The following ZNF462 variants were observed in gnomAD, a reference collection of about 807,000 sequenced individuals.
ZNF462 encodes the protein zinc finger PBX1-interacting protein.
A neutral mutation model predicts 201.9 loss-of-function variants in ZNF462; 10 were observed. The observed-to-expected ratio is 0.05, with a 90% CI of 0.03 to 0.08. ZNF462 has a LOEUF of 0.08. Among genes scored for constraint, ZNF462 ranks in the 10% least tolerant of loss-of-function variants. The probability of loss-of-function intolerance (pLI) is 1.00; values close to 1 mark genes in which losing one functional copy is unlikely to be tolerated. For missense variants in ZNF462, 2,523 were observed against 3,168.3 expected (o/e 0.80, Z 4.89); for synonymous variants, 1,227 against 1,193.3 (o/e 1.03, Z -0.58).
At chr9:106,868,092 G>A (rs1400156969) in intron 1 of ZNF462, among the ~76,000 whole-genome samples, 1 of 145,318 alleles carries the variant, frequency 6.9e-6, no homozygotes, top group Non-Finnish European at 1.5e-5. Context: ...AAAAAAATCA[G>A]TGTGTGTAAA....
chr9:106,974,506 A>G lies in ZNF462; in HGVS notation c.6832+233A>G, dbSNP rs541348569. ...GCAAAGGTGATGGATTCTGCAGTGAACATTTCCGTAGGGCTTCCCAGCATG... is the reference window on the plus strand; with the variant it reads ...GCAAAGGTGATGGATTCTGCAGTGAGCATTTCCGTAGGGCTTCCCAGCATG... On this transcript the variant is annotated intron_variant, in intron 9 of 12. Coordinates refer to ENST00000277225, the MANE Select transcript of ZNF462 (RefSeq NM_021224.6). This position sits in a 1 kb window ranked among gnomAD's most constrained non-coding sequence, Gnocchi z 4.0. 1.0e-5 allele frequency: 6 copies of G among 596,716 alleles called. No individual in the cohort carries two copies. Among genetic ancestry groups the G allele is most frequent in the East Asian group, 6.1e-5 (2 of 32,730 alleles). 37.0% of individuals were successfully genotyped at this position (596,716 alleles called of 1,614,324 possible). A position where few individuals can be genotyped will look rare whatever the true frequency, so the allele number is the denominator to read the frequency against.
At chr9:106,903,299 A>T (rs1427124842) in intron 1 of ZNF462, among the ~76,000 whole-genome samples, 1 of 152,172 alleles carries the variant, frequency 6.6e-6, no homozygotes, top group African/African-American at 2.4e-5. Flanking sequence ...AGTGCTTAAA[A>T]TAATTTTAAT....
intron 9 of ZNF462, among the ~76,000 whole-genome samples, chr9:106,983,848 G>A (rs1827625660): frequency 6.6e-6 from 1 of 152,186 alleles, no homozygotes; most frequent in South Asian, 2.1e-4. Flanking sequence ...AATCATTAAT[G>A]TTGGTAAAAA....
In ZNF462 at chr9:106,930,002, G is replaced by A. The variant is rs1367679409; in HGVS notation, c.5847+243G>A. ...TCCCATGGCTCCCCAGGGGAGGTTT[G>A]GGGTGGTTTCTATGTATGTCTTTCT... is the stretch of plus-strand genomic sequence containing the variant. On this transcript the variant is annotated intron_variant, in intron 3 of 12. Coordinates refer to ENST00000277225, the MANE Select transcript of ZNF462 (RefSeq NM_021224.6). This position sits in a 1 kb window ranked among gnomAD's most constrained non-coding sequence, Gnocchi z 5.8. Among the ~76,000 whole-genome samples, 1 of 152,048 alleles carries A rather than the reference G, an allele frequency of 6.6e-6. No individual in the cohort carries two copies. The highest frequency in any genetic ancestry group is 1.5e-5 in the Non-Finnish European group (1 of 68,014).
At chr9:106,918,828 A>G (rs1408434100) in intron 1 of ZNF462, among the ~76,000 whole-genome samples, 1 of 152,110 alleles carries the variant, frequency 6.6e-6, no homozygotes, top group Non-Finnish European at 1.5e-5. Context: ...CTGTCCTTGG[A>G]TAATTGGTTT....
chr9:106,879,063 C>G (rs1027220195), intron 1 of ZNF462, among the ~76,000 whole-genome samples: 2 of 152,182 alleles, frequency 1.3e-5, no homozygotes, highest in African/African-American at 4.8e-5. Flanking sequence ...TGCATGGCTG[C>G]TGAGAGGGCC....
In ZNF462 at chr9:106,927,374, T is replaced by C; in HGVS notation, c.3462T>C (p.Ala1154=). The C allele has an allele frequency of 6.2e-7, 1 of 1,614,012 alleles. No homozygotes were observed. The highest frequency in any genetic ancestry group is 8.5e-7 in the Non-Finnish European group (1 of 1,179,980). The change falls in exon 3 of 13, where the codon GCT becomes GCC. Residue 1154 remains alanine (A), a synonymous_variant. Transcript: ENST00000277225. The part of the protein sequence containing the change: ...AKYIRQAPPT[A]AMMRGVEGPQ... ...ATATCAGACAGGCTCCTCCCACAGC[T>C]GCAATGATGAGAGGGGTCGAAGGGC...
chr9:106,957,333 T>C (rs952596263), intron 7 of ZNF462, among the ~76,000 whole-genome samples: 8 of 152,106 alleles, frequency 5.3e-5, no homozygotes, highest in African/African-American at 1.9e-4. Context: ...ATTTATTGAT[T>C]AAGTTTGCAT....
chr9:106,907,137 G>A (rs780741097), intron 1 of ZNF462, among the ~76,000 whole-genome samples: 1 of 152,094 alleles, frequency 6.6e-6, no homozygotes, highest in Non-Finnish European at 1.5e-5. Context: ...ACTTTTCTCA[G>A]TCAACCCTAC....
chr9:106,931,169 A>C (rs1269290230), intron 4 of ZNF462: 1 of 154,654 alleles, frequency 6.5e-6, no homozygotes, highest in East Asian at 1.9e-4. Flanking sequence ...GGACTGCAAG[A>C]GACATTAAAA....
rs1422192121 is a variant in ZNF462 at position 107,004,625 on chromosome 9, TATG to T, written c.7189+1203_7189+1205del. Among the ~76,000 whole-genome samples, 5 of 152,316 alleles carry T rather than the reference TATG, an allele frequency of 3.3e-5. No homozygotes were observed. In the East Asian group the frequency reaches 9.6e-4, roughly 29 times the overall value. On this transcript the variant is annotated intron_variant, in intron 11 of 12. Transcript: ENST00000277225. ...TATTTTAATAAAAATTGTATATATT[TATG>T]ATGTACAACATGTTTCAAAATACAT...
intron 7 of ZNF462, among the ~76,000 whole-genome samples, chr9:106,943,283 T>G (rs921281648): frequency 6.6e-6 from 1 of 152,202 alleles, no homozygotes; most frequent in East Asian, 1.9e-4. Context: ...AAATTTCAAT[T>G]GGTTTTTCTG....
chr9:106,863,064 AAGAGGAGAG>A (rs1316270432), upstream of ZNF462: 426 of 390,212 alleles, frequency 1.1e-3, 4 homozygotes, highest in African/African-American at 8.1e-3. Context: ...GAGGAGAGAG[AAGAGGAGAG>A]AGAGGGGAGA....
At chr9:106,996,674 C>T (rs1259520491) in intron 10 of ZNF462, among the ~76,000 whole-genome samples, 5 of 152,068 alleles carry the variant, frequency 3.3e-5, no homozygotes, top group Admixed American at 2.0e-4. Context: ...TGATTTTTTT[C>T]TTGTAAATTT....
chr9:106,925,101 A>G lies in ZNF462; in HGVS notation c.1189A>G (p.Ser397Gly). The G allele has an allele frequency of 6.2e-7, 1 of 1,614,222 alleles. No individual in the cohort carries two copies. The highest frequency in any genetic ancestry group is 8.5e-7 in the Non-Finnish European group (1 of 1,180,044). Residue 397 changes from serine to glycine, a missense_variant, in exon 3 of 13, where the codon AGT becomes GGT. Coordinates refer to ENST00000277225, the MANE Select transcript of ZNF462 (RefSeq NM_021224.6). This position sits in a 1 kb window ranked among gnomAD's most constrained non-coding sequence, Gnocchi z 7.9. ...TGATGAAGAGTTAAATGAAATAGAC[A>G]GTGAGAATGGTTTAAGTGCTATGGA... The part of the protein sequence containing the change: ...SSDEELNEID[S>G]ENGLSAMDHQ...
rs1830253531 is a variant in ZNF462, at chr9:106,927,636, A to C, written c.3724A>C (p.Lys1242Gln). The change falls in exon 3 of 13, where the codon AAG becomes CAG. Residue 1242 changes from lysine (K) to glutamine (Q), a missense_variant. Physicochemically the swap from Lys to Gln is moderately conservative, Grantham distance 53 (BLOSUM62 1). Around this residue, in one of 15 missense-constraint regions of ZNF462, gnomAD observed 222 missense variants for 271.6 expected, o/e 0.82. Coordinates refer to ENST00000277225, the MANE Select transcript of ZNF462 (RefSeq NM_021224.6). ...TIRSLCDRNQ[K>Q]KPASCVLVSP... ...TCGAAGCCTCTGCGACCGAAATCAG[A>C]AGAAGCCTGCCAGCTGCGTGCTTGT... is the stretch of plus-strand genomic sequence containing the variant. 2 of 1,613,944 alleles carry C rather than the reference A, an allele frequency of 1.2e-6. No homozygotes were observed. Among genetic ancestry groups the C allele is most frequent in the East Asian group, 4.5e-5 (2 of 44,858 alleles).
In ZNF462 at chr9:106,925,084, A is replaced by G. The variant is rs1204039281; in HGVS notation, c.1172A>G (p.Glu391Gly). ...CTAAATGACTCTAGTTCTGATGAAG[A>G]GTTAAATGAAATAGACAGTGAGAAT... ...SMLNDSSSDE[E>G]LNEIDSENGL... The change falls in exon 3 of 13, where the codon GAG (glutamate) becomes GGG (glycine). Residue 391 changes from glutamate to glycine, a missense_variant. Glu to Gly is a moderately conservative substitution (Grantham distance 98). Around this residue, in one of 15 missense-constraint regions of ZNF462, gnomAD observed 480 missense variants for 544.4 expected, o/e 0.88. Transcript: ENST00000277225. The surrounding 1 kb of genome is among the most constrained non-coding windows in gnomAD (Gnocchi z 7.9). 6.2e-7 allele frequency: 1 copy of G among 1,614,222 alleles called. No individual in the cohort carries two copies.
intron 10 of ZNF462, among the ~76,000 whole-genome samples, chr9:106,986,438 A>G (rs1827836793): frequency 6.6e-6 from 1 of 152,202 alleles, no homozygotes; most frequent in South Asian, 2.1e-4. Context: ...GTAAGATTAA[A>G]TGAAGTCCTG....
intron 9 of ZNF462, chr9:106,979,430 C>G (rs1827252374): frequency 6.6e-6 from 1 of 151,656 alleles, no homozygotes; most frequent in South Asian, 2.1e-4. Context: ...GAGGTCCTGT[C>G]TTATGCCAAC....
Sources: gnomAD v4.1 joint callset for allele counts (sites outside exome capture counted in the v4.1 genomes callset) on GRCh38, gnomAD v4.1.1 for gene constraint, gnomAD v4.1.1 regional missense constraint, Gnocchi (gnomAD v3.1) non-coding constraint, MANE v1.5 for transcripts, NCBI Gene and HGNC (gene_info 2026-07-23, HGNC 2026-07-21) for gene names.